Variants in TRIM71 observed in about 807,000 individuals in gnomAD.
TRIM71 encodes the protein E3 ubiquitin-protein ligase TRIM71.
TRIM71 carries 9 observed loss-of-function variants against 61.2 expected under a neutral mutation model. The ratio of observed to expected loss-of-function variants is 0.15; its 90% CI spans 0.09 to 0.26. The LOEUF (loss-of-function observed/expected upper bound fraction) is 0.26, where lower values mean the gene tolerates loss of function less well. Among genes scored for constraint, TRIM71 ranks in the 10% least tolerant of loss-of-function variants. The pLI is 1.00. For missense variants in TRIM71, 998 were observed against 1,238.7 expected, an observed-to-expected ratio of 0.81 and a Z score of 2.92; for synonymous variants, 645 against 553.2, an observed-to-expected ratio of 1.17 and a Z score of -2.33.
chr3:32,865,587 G>T (rs1392125479), intron 1 of TRIM71, among the ~76,000 whole-genome samples: 1 of 152,136 alleles, frequency 6.6e-6, no homozygotes, highest in Non-Finnish European at 1.5e-5. Context: ...CCTTAAGAGA[G>T]TCATTGCTGG....
At chr3:32,884,551 AAAAG>A (rs2125691814) in intron 2 of TRIM71, among the ~76,000 whole-genome samples, 1 of 151,898 alleles carries the variant, frequency 6.6e-6, no homozygotes, top group Admixed American at 6.5e-5. Flanking sequence ...AAAAAAAAAA[AAAAG>A]AAAGAAAAAG....
intron 1 of TRIM71, among the ~76,000 whole-genome samples, chr3:32,819,191 G>C (rs1049098686): frequency 2.0e-5 from 3 of 152,238 alleles, no homozygotes; most frequent in Non-Finnish European, 4.4e-5. Context: ...TTTAATTTCT[G>C]TGTGGCAAAA....
At chr3:32,872,018 C>T (rs1027335188) in intron 1 of TRIM71, among the ~76,000 whole-genome samples, 5 of 152,082 alleles carry the variant, frequency 3.3e-5, no homozygotes, top group Non-Finnish European at 7.3e-5. Flanking sequence ...GTGGCAGGCA[C>T]CTTTAGTCCC....
chr3:32,866,297 G>A (rs1169201392), intron 1 of TRIM71, among the ~76,000 whole-genome samples: 1 of 151,932 alleles, frequency 6.6e-6, no homozygotes, highest in Non-Finnish European at 1.5e-5. Context: ...CTCCTGGGCT[G>A]GAGTGCAGTG....
chr3:32,866,744 G>T (rs79953289), intron 1 of TRIM71, among the ~76,000 whole-genome samples: 1,696 of 152,232 alleles, frequency 0.011, 22 homozygotes, highest in African/African-American at 0.038. Flanking sequence ...GGTGATAGAA[G>T]GAACCTACGC....
At chr3:32,878,915 A>AT (rs1696878150) in intron 2 of TRIM71, among the ~76,000 whole-genome samples, 1 of 152,202 alleles carries the variant, frequency 6.6e-6, no homozygotes, top group African/African-American at 2.4e-5. Context: ...ATATAAGACT[A>AT]TGTCTTTCCA....
At chr3:32,829,573 G>A (rs1034537819) in intron 1 of TRIM71, among the ~76,000 whole-genome samples, 2 of 151,864 alleles carry the variant, frequency 1.3e-5, no homozygotes, top group South Asian at 2.1e-4. Flanking sequence ...TTGCTCAATG[G>A]AACAGTCTAA....
Position 32,884,298 on chromosome 3 carries a change from A to G in TRIM71, c.1021-1636A>G, listed in dbSNP as rs377116426. ...CACCTTTGAGCGTGTCTTGCATGCC[A>G]TGAATGTGTCAGCTGTCATCCAGAG... is the stretch of plus-strand genomic sequence containing the variant. On this transcript the variant is annotated intron_variant, in intron 2 of 3. Transcript: ENST00000383763. 3.9e-5 allele frequency among the ~76,000 whole-genome samples: 6 copies of G among 152,270 alleles called. No homozygotes were observed. In the East Asian group the frequency reaches 1.2e-3, roughly 29 times the overall value.
chr3:32,863,195 C>CTT (rs11348995), intron 1 of TRIM71, among the ~76,000 whole-genome samples: 835 of 53,750 alleles, frequency 0.016, 72 homozygotes, highest in South Asian at 0.041. Context: ...TTAATTGAAC[C>CTT]TTTTTTTTTT....
intron 1 of TRIM71, among the ~76,000 whole-genome samples, chr3:32,841,447 G>T (rs1437057053): frequency 6.6e-6 from 1 of 152,108 alleles, no homozygotes; most frequent in Admixed American, 6.5e-5. Context: ...GGAGGCCAAG[G>T]TGGTTGGATC....
At chr3:32,833,753 C>T (rs1696301926) in intron 1 of TRIM71, among the ~76,000 whole-genome samples, 1 of 151,696 alleles carries the variant, frequency 6.6e-6, no homozygotes, top group African/African-American at 2.4e-5. Context: ...GAAATATTTT[C>T]TGCAATATGC....
intron 1 of TRIM71, among the ~76,000 whole-genome samples, chr3:32,849,981 A>G (rs1380099832): frequency 6.6e-6 from 1 of 152,188 alleles, no homozygotes; most frequent in Non-Finnish European, 1.5e-5. Flanking sequence ...GTATGTCTTC[A>G]GTGTCTTTCA....
chr3:32,820,715 T>TATTCACTTTTAAAATTTATTTTTA (rs1450055645), intron 1 of TRIM71, among the ~76,000 whole-genome samples: 2 of 152,220 alleles, frequency 1.3e-5, no homozygotes, highest in African/African-American at 4.8e-5. Flanking sequence ...TTGGCAGACT[T>TATTCACTTTTAAAATTTATTTTTA]GTAAAAGATT....
At chr3:32,860,028 G>GGCCCTTTGGCCC (rs1696648386) in intron 1 of TRIM71, among the ~76,000 whole-genome samples, 1 of 151,900 alleles carries the variant, frequency 6.6e-6, no homozygotes, top group African/African-American at 2.4e-5. Flanking sequence ...GGTTTGCCTA[G>GGCCCTTTGGCCC]GCCCTTTGGC....
chr3:32,883,079 C>T (rs1696926878), intron 2 of TRIM71, among the ~76,000 whole-genome samples: 1 of 152,196 alleles, frequency 6.6e-6, no homozygotes, highest in African/African-American at 2.4e-5. Context: ...TAACCATTTC[C>T]CTATGCTAAA....
intron 1 of TRIM71, among the ~76,000 whole-genome samples, chr3:32,836,965 G>A (rs1559539422): frequency 6.6e-6 from 1 of 152,134 alleles, no homozygotes; most frequent in Admixed American, 6.5e-5. Flanking sequence ...CTATTCCTGG[G>A]CTGGGTCTTT....
At chr3:32,889,898 G>GTGTATGTA (rs74270608) in intron 3 of TRIM71, among the ~76,000 whole-genome samples, 1 of 151,384 alleles carries the variant, frequency 6.6e-6, no homozygotes, top group Non-Finnish European at 1.5e-5. Context: ...GTGTGTGTGT[G>GTGTATGTA]TGTATGTATG....
chr3:32,877,423 AG>A (rs1383021159), intron 2 of TRIM71, among the ~76,000 whole-genome samples: 3 of 151,536 alleles, frequency 2.0e-5, no homozygotes, highest in Non-Finnish European at 4.4e-5. Context: ...TTTAAGAGAC[AG>A]GATCTCTCTC....
Position 32,890,548 on chromosome 3 carries a change from G to A in TRIM71, c.1344G>A (p.Arg448=), listed in dbSNP as rs1697013195. 1 of 1,613,942 alleles carries A rather than the reference G, an allele frequency of 6.2e-7. No individual in the cohort carries two copies. Among genetic ancestry groups the A allele is most frequent in the South Asian group, 1.1e-5 (1 of 91,088 alleles). Residue 448 remains arginine (R), a synonymous_variant, in exon 4 of 4, where the codon CGG becomes CGA. Coordinates refer to ENST00000383763, the MANE Select transcript of TRIM71 (RefSeq NM_001039111.3). This position sits in a 1 kb window ranked among gnomAD's most constrained non-coding sequence, Gnocchi z 6.2. The stretch of plus-strand genomic sequence containing the variant: ...AGGTGCAGGAGCTGAAGACCGTGCG[G>A]AGCCTCCTGCAGCCCCAGGAAGACG... ...LAQVQELKTV[R]SLLQPQEDDR...
Sources: gnomAD v4.1 joint callset for allele counts (sites outside exome capture counted in the v4.1 genomes callset) on GRCh38, gnomAD v4.1.1 for gene constraint, Gnocchi (gnomAD v3.1) non-coding constraint, MANE v1.5 for transcripts, NCBI Gene and HGNC (gene_info 2026-07-23, HGNC 2026-07-21) for gene names.